PIWIL3: variants seen among roughly 807,000 people sequenced by gnomAD.
The protein encoded by PIWIL3 is piwi-like protein 3.
Under a neutral mutation model 109.7 loss-of-function variants are expected in PIWIL3, and 101 were observed. The ratio of observed to expected loss-of-function variants is 0.92; its 90% CI spans 0.78 to 1.09. The LOEUF (loss-of-function observed/expected upper bound fraction) is 1.09. Among genes scored for constraint, PIWIL3 ranks in the 50% least tolerant of loss-of-function variants. PIWIL3 has a pLI of 0.00. For missense variants in PIWIL3, 1,031 were observed against 1,072.6 expected, an observed-to-expected ratio of 0.96 and a Z score of 0.54; for synonymous variants, 373 against 376.4, an observed-to-expected ratio of 0.99 and a Z score of 0.10.
rs999951762 is a variant in PIWIL3 at position 24,742,537 on chromosome 22, T to G, written c.1449+6370A>C. 5.9e-5 allele frequency among the ~76,000 whole-genome samples: 9 copies of G among 152,178 alleles called. No homozygotes were observed. In the South Asian group the frequency reaches 1.2e-3, roughly 21 times the overall value. Reference sequence around the variant, plus strand: ...TATAGTCATCCAAACAACATGGTACTGGTATAAAAAATAGGCACATAGACC... The same window carrying G: ...TATAGTCATCCAAACAACATGGTACGGGTATAAAAAATAGGCACATAGACC... On this transcript the variant is annotated intron_variant, in intron 12 of 20. Transcript: ENST00000616349.
chr22:24,749,269 T>C (rs1388582359), intron 11 of PIWIL3, 135 bp downstream of exon 11: 1 of 1,372,802 alleles, frequency 7.3e-7, no homozygotes, highest in Admixed American at 2.2e-5. Flanking sequence ...AAACTAGAGT[T>C]GTCCCCCAAC....
chr22:24,737,144 A>C (rs969232803), intron 12 of PIWIL3, among the ~76,000 whole-genome samples: 4 of 152,172 alleles, frequency 2.6e-5, no homozygotes, highest in Non-Finnish European at 4.4e-5. Context: ...CCCTCCCCCA[A>C]CTCAATGGCA....
chr22:24,749,877 A>G, intron 9 of PIWIL3, 58 bp from the exon 10 acceptor site: 3 of 1,613,178 alleles, frequency 1.9e-6, no homozygotes, highest in Non-Finnish European at 1.7e-6. Context: ...AACATCACAC[A>G]CAGAGGTTCA....
intron 2 of PIWIL3, 105 bp from the exon 3 acceptor site, chr22:24,760,094 G>A: frequency 6.9e-7 from 1 of 1,449,986 alleles, no homozygotes. Flanking sequence ...CCTCTGAAAA[G>A]CTCACATTCC....
chr22:24,764,667 T>TGTGTGTGC (rs1038117713), intron 1 of PIWIL3, among the ~76,000 whole-genome samples: 4 of 145,960 alleles, frequency 2.7e-5, no homozygotes, highest in African/African-American at 1.0e-4. Context: ...TGTGTGTGTG[T>TGTGTGTGC]GTTGAGACAG....
rs769847067 is a variant in PIWIL3 at position 24,727,993 on chromosome 22, A to T, written c.1966T>A (p.Ser656Thr). ...CFHDIVNRQK[S>T]IAGFVASTNA... ...GTACTTGCAACAAATCCTGCTATTG[A>T]TTTCTGTCGATTTACGATATCGTGG... The change falls in exon 16 of 21, where the codon TCA becomes ACA. Residue 656 changes from serine (S) to threonine (T), a missense_variant. Transcript: ENST00000616349. 9 of 1,613,790 alleles carry T rather than the reference A, an allele frequency of 5.6e-6. No individual in the cohort carries two copies. The highest frequency in any genetic ancestry group is 1.7e-5 in the Admixed American group (1 of 60,000).
chr22:24,748,967 A>G lies in PIWIL3; in HGVS notation c.1389T>C (p.Asn463=), dbSNP rs760225204. The G allele has an allele frequency of 4.3e-5, 70 of 1,613,718 alleles. No individual in the cohort carries two copies. Among genetic ancestry groups the G allele is most frequent in the Non-Finnish European group, 5.6e-5 (66 of 1,179,942 alleles). ...LQLWDLKFDT[N]FLSVPGRVLK... Reference sequence around the variant, plus strand: ...AAACTCTTCCCGGGACGGACAAAAAATTGGTATCAAATTTCAAATCCCAGA... The same window carrying G: ...AAACTCTTCCCGGGACGGACAAAAAGTTGGTATCAAATTTCAAATCCCAGA... Residue 463 remains asparagine, a synonymous_variant, in exon 12 of 21, where the codon AAT becomes AAC. Coordinates refer to ENST00000616349, the MANE Select transcript of PIWIL3 (RefSeq NM_001255975.1).
intron 16 of PIWIL3, 71 bp from the exon 17 acceptor site, chr22:24,725,586 T>C (rs1011409439): frequency 2.7e-6 from 4 of 1,467,460 alleles, no homozygotes; most frequent in African/African-American, 2.8e-5. Context: ...CATTAATCTA[T>C]GGGCAAAAAA....
At chr22:24,740,547 C>CA (rs528700128) in intron 12 of PIWIL3, among the ~76,000 whole-genome samples, 13,613 of 111,908 alleles carry the variant, frequency 0.12, 1,353 homozygotes, top group African/African-American at 0.27. Flanking sequence ...GACTCCATCT[C>CA]AAAAAAAAAA....
chr22:24,720,295 G>A (rs1043990980), intron 19 of PIWIL3, among the ~76,000 whole-genome samples: 11 of 122,434 alleles, frequency 9.0e-5, no homozygotes, highest in East Asian at 7.5e-4. Flanking sequence ...TTTTTTAGAC[G>A]GAGTCTGGCT....
At chr22:24,754,657 G>C (rs1028680202) in intron 7 of PIWIL3, 127 bp downstream of exon 7, 47 of 702,554 alleles carry the variant, frequency 6.7e-5, no homozygotes, top group Non-Finnish European at 1.5e-5. Flanking sequence ...ATTGTTCATG[G>C]TCAGTGGATA....
At chr22:24,732,085 G>A (rs6004251) in intron 14 of PIWIL3, among the ~76,000 whole-genome samples, 6 of 152,348 alleles carry the variant, frequency 3.9e-5, no homozygotes, top group Admixed American at 1.3e-4. Context: ...GCCTGGTCAT[G>A]TCATTACCAG....
chr22:24,729,346 AGAC>A (rs1368188131), intron 14 of PIWIL3, among the ~76,000 whole-genome samples: 3 of 152,140 alleles, frequency 2.0e-5, no homozygotes, highest in African/African-American at 7.2e-5. Flanking sequence ...ATAACACCGC[AGAC>A]GACGAGACGG....
intron 3 of PIWIL3, among the ~76,000 whole-genome samples, chr22:24,759,069 T>G (rs1229171544): frequency 1.3e-5 from 2 of 152,180 alleles, no homozygotes; most frequent in African/African-American, 2.4e-5. Flanking sequence ...AATTTGTATA[T>G]TTTTGGTAAA....
Position 24,757,910 on chromosome 22 carries a change from GTT to G in PIWIL3, c.351_352del (p.Lys117AsnfsTer27). ...CATTGAGTTCTAGACCAACATACCT[GTT>G]TTTGAGTCTTTAACATGCTTCATAT... On this transcript the variant is annotated frameshift_variant, in exon 4 of 21. Coordinates refer to ENST00000616349, the MANE Select transcript of PIWIL3 (RefSeq NM_001255975.1). LOFTEE classifies it high-confidence loss of function. 1 of 1,602,810 alleles carries G rather than the reference GTT, an allele frequency of 6.2e-7. No homozygotes were observed. Among genetic ancestry groups the G allele is most frequent in the Non-Finnish European group, 8.5e-7 (1 of 1,176,896 alleles).
intron 9 of PIWIL3, among the ~76,000 whole-genome samples, chr22:24,750,574 C>T (rs1194454420): frequency 1.3e-5 from 2 of 149,324 alleles, no homozygotes; most frequent in African/African-American, 4.9e-5. Flanking sequence ...CTGCAACCCC[C>T]GCCACCCGGG....
intron 3 of PIWIL3, among the ~76,000 whole-genome samples, chr22:24,759,578 T>G (rs1925288652): frequency 6.6e-6 from 1 of 152,240 alleles, no homozygotes; most frequent in South Asian, 2.1e-4. Flanking sequence ...TTCCATTAAG[T>G]TAACTTAGAG....
chr22:24,728,762 G>A (rs373205427), intron 14 of PIWIL3, among the ~76,000 whole-genome samples: 6 of 152,256 alleles, frequency 3.9e-5, no homozygotes, highest in Admixed American at 3.3e-4. Flanking sequence ...GCTTAAGCCT[G>A]CAATATCATT....
At chr22:24,747,547 C>T (rs775092194) in intron 12 of PIWIL3, among the ~76,000 whole-genome samples, 20 of 152,130 alleles carry the variant, frequency 1.3e-4, no homozygotes, top group Admixed American at 5.2e-4. Flanking sequence ...TGCAAACTAC[C>T]TGTCTGACAA....
Sources: gnomAD v4.1 joint callset for allele counts (sites outside exome capture counted in the v4.1 genomes callset) on GRCh38, gnomAD v4.1.1 for gene constraint, MANE v1.5 for transcripts, NCBI Gene and HGNC (gene_info 2026-07-23, HGNC 2026-07-21) for gene names.